Variants in CDK5RAP1 observed in about 807,000 individuals in gnomAD.
The protein encoded by CDK5RAP1 is mitochondrial tRNA methylthiotransferase CDK5RAP1.
Under a neutral mutation model 64.5 loss-of-function variants are expected in CDK5RAP1, and 62 were observed. The observed-to-expected ratio is 0.96, with a 90% confidence interval of 0.78 to 1.19. The LOEUF (loss-of-function observed/expected upper bound fraction) is 1.19, where lower values mean the gene tolerates loss of function less well. CDK5RAP1 is among the 50% of genes most tolerant of loss of function. The probability of loss-of-function intolerance (pLI) is 0.00; values close to 1 mark genes in which losing one functional copy is unlikely to be tolerated. For synonymous variants in CDK5RAP1, 250 were observed against 261.9 expected, an observed-to-expected ratio of 0.95 and a Z score of 0.44; for missense variants, 657 against 735.0, an observed-to-expected ratio of 0.89 and a Z score of 1.23.
intron 12 of CDK5RAP1, among the ~76,000 whole-genome samples, chr20:33,361,785 G>A (rs1982963650): frequency 1.3e-5 from 2 of 151,874 alleles, no homozygotes; most frequent in East Asian, 1.9e-4. Context: ...GCGAAACCCC[G>A]TCTCTACTGA....
chr20:33,368,420 A>C (rs1984377670), intron 11 of CDK5RAP1, among the ~76,000 whole-genome samples: 1 of 149,240 alleles, frequency 6.7e-6, no homozygotes, highest in Non-Finnish European at 1.5e-5. Context: ...AGCCTCCCAA[A>C]TAGCTGGGAT....
At chr20:33,379,751 C>T (rs1295188274) in intron 7 of CDK5RAP1, 60 bp from the exon 8 acceptor site, 1 of 1,267,690 alleles carries the variant, frequency 7.9e-7, no homozygotes, top group East Asian at 2.3e-5. Context: ...TAAAAAAACA[C>T]TAATTAAAAA....
rs774168948 is a variant in CDK5RAP1 at position 33,387,547 on chromosome 20, A to G, written c.545-14T>C. On this transcript the variant is annotated splice_polypyrimidine_tract_variant and intron_variant, in intron 5 of 13. Coordinates refer to ENST00000346416, the MANE Select transcript of CDK5RAP1 (RefSeq NM_016408.4). ...CAGCCATGCAGCCTGGAAGGGAAAA[A>G]GAAACAAGCACCTTTCCCCAAATCC... 2 of 1,605,222 alleles carry G rather than the reference A, an allele frequency of 1.2e-6. No individual in the cohort carries two copies. The highest frequency in any genetic ancestry group is 1.3e-5 in the African/African-American group (1 of 74,864).
chr20:33,378,489 T>C (rs1250331752), intron 8 of CDK5RAP1, among the ~76,000 whole-genome samples: 1 of 152,120 alleles, frequency 6.6e-6, no homozygotes, highest in Non-Finnish European at 1.5e-5. Context: ...CACAGAGACA[T>C]GAAGTAAGCA....
Position 33,360,999 on chromosome 20 carries a change from C to T in CDK5RAP1, c.1543-508G>A, listed in dbSNP as rs543904685. 1.2e-4 allele frequency among the ~76,000 whole-genome samples: 18 copies of T among 152,332 alleles called. 1 individual carries two copies. In the East Asian group the frequency reaches 2.1e-3, roughly 18 times the overall value. On this transcript the variant is annotated intron_variant, in intron 12 of 13. Transcript: ENST00000346416. ...TGATGGGATTAACTTCTAGAGTCTA[C>T]GGAAACCCTTCTCTTCCAGCCATGG...
At chr20:33,378,421 C>T (rs1986301066) in intron 8 of CDK5RAP1, among the ~76,000 whole-genome samples, 1 of 152,082 alleles carries the variant, frequency 6.6e-6, no homozygotes, top group African/African-American at 2.4e-5. Context: ...TCACAGATCA[C>T]CATAACAGAT....
intron 1 of CDK5RAP1, among the ~76,000 whole-genome samples, chr20:33,397,837 CAA>C (rs1989041378): frequency 1.3e-5 from 2 of 152,012 alleles, no homozygotes; most frequent in African/African-American, 2.4e-5. Context: ...ACTAAAAATA[CAA>C]AAGTTAGCCA....
rs768311774 is a variant in CDK5RAP1, at chr20:33,360,435, C to G, written c.1599G>C (p.Val533=). ...LCGRNDGNLK[V]IFPDAEMEDV... ...CCTCCATCTCTGCATCAGGGAAGAT[C>G]ACCTTAAGGTTTCCATCATTCCTGC... Residue 533 remains valine (V), a synonymous_variant, in exon 13 of 14, where the codon GTG becomes GTC. Transcript: ENST00000346416. 1.9e-6 allele frequency: 3 copies of G among 1,613,692 alleles called. No individual in the cohort carries two copies. The highest frequency in any genetic ancestry group is 3.3e-4 in the Middle Eastern group (2 of 6,084).
At chr20:33,381,583 C>T (rs1986755099) in intron 7 of CDK5RAP1, among the ~76,000 whole-genome samples, 1 of 152,044 alleles carries the variant, frequency 6.6e-6, no homozygotes, top group African/African-American at 2.4e-5. Flanking sequence ...TGTGTCACCA[C>T]GCCAGGCTAA....
intron 1 of CDK5RAP1, among the ~76,000 whole-genome samples, chr20:33,398,998 C>A (rs1989154231): frequency 6.6e-6 from 1 of 152,056 alleles, no homozygotes; most frequent in Non-Finnish European, 1.5e-5. Context: ...ATGCTCCATG[C>A]TACCTACATT....
Position 33,397,019 on chromosome 20 carries a change from A to C in CDK5RAP1, c.46T>G (p.Trp16Gly). 6.2e-7 allele frequency: 1 copy of C among 1,613,964 alleles called. No homozygotes were observed. Among genetic ancestry groups the C allele is most frequent in the Non-Finnish European group, 8.5e-7 (1 of 1,179,926 alleles). Residue 16 changes from tryptophan (W) to glycine (G), a missense_variant, in exon 2 of 14, where the codon TGG (tryptophan) becomes GGG (glycine). Transcript: ENST00000346416. ...CAAGACACAGAGGCCAATGGTCCCC[A>C]CCCCAGAGACCTCTGCACTTGGAGG... ...CVLQVQRSLGWGPLASVSWLS... is the reference protein window; with the variant it reads ...CVLQVQRSLGGGPLASVSWLS...
chr20:33,375,707 C>G (rs1332571730), intron 8 of CDK5RAP1, among the ~76,000 whole-genome samples: 1 of 152,122 alleles, frequency 6.6e-6, no homozygotes, highest in African/African-American at 2.4e-5. Context: ...AGAGATATCA[C>G]AGGTTTGGTT....
intron 5 of CDK5RAP1, among the ~76,000 whole-genome samples, chr20:33,389,404 G>C (rs1987988568): frequency 2.0e-5 from 3 of 152,094 alleles, no homozygotes; most frequent in Admixed American, 2.0e-4. Context: ...CCCCGTCTGA[G>C]AAGTGAGGAG....
At chr20:33,377,651 T>C (rs987414639) in intron 8 of CDK5RAP1, among the ~76,000 whole-genome samples, 10 of 151,940 alleles carry the variant, frequency 6.6e-5, no homozygotes, top group Admixed American at 4.6e-4. Context: ...TTTTTTTGGG[T>C]TTTCTTGTTT....
chr20:33,387,363 T>A lies in CDK5RAP1; in HGVS notation c.715A>T (p.Met239Leu). Reference protein sequence around the residue: ...LSLDETYADVMPVQTSASATS... With the variant: ...LSLDETYADVLPVQTSASATS... Reference sequence around the variant, plus strand: ...GCACTGGCGCTTGTCTGGACTGGCATGACATCAGCATAGGTCTCGTCCAGA... The same window carrying A: ...GCACTGGCGCTTGTCTGGACTGGCAAGACATCAGCATAGGTCTCGTCCAGA... The change falls in exon 6 of 14, where the codon ATG (methionine) becomes TTG (leucine). Residue 239 changes from methionine (M) to leucine (L), a missense_variant. By Grantham distance (15) the Met-to-Leu change is conservative. Transcript: ENST00000346416. 1 of 1,614,040 alleles carries A rather than the reference T, an allele frequency of 6.2e-7. No individual in the cohort carries two copies. Among genetic ancestry groups the A allele is most frequent in the African/African-American group, 1.3e-5 (1 of 74,994 alleles).
chr20:33,363,886 G>A (rs183872878), intron 12 of CDK5RAP1, among the ~76,000 whole-genome samples: 9 of 152,048 alleles, frequency 5.9e-5, no homozygotes, highest in East Asian at 1.9e-4. Flanking sequence ...GAGACAGAAC[G>A]AGAGACTTTG....
chr20:33,389,183 G>A (rs1169378918), intron 5 of CDK5RAP1, among the ~76,000 whole-genome samples: 10 of 151,218 alleles, frequency 6.6e-5, no homozygotes, highest in South Asian at 2.1e-4. Flanking sequence ...AGTGAGCAGC[G>A]TCTCTGCCCG....
intron 9 of CDK5RAP1, chr20:33,372,913 CTT>C (rs11291803): frequency 0.046 from 9,218 of 200,836 alleles, 1 homozygote; most frequent in Middle Eastern, 0.086. Context: ...AGGACATAAA[CTT>C]TTTTTTTTTT....
At chr20:33,361,681 G>A (rs750989700) in intron 12 of CDK5RAP1, among the ~76,000 whole-genome samples, 4 of 66,350 alleles carry the variant, frequency 6.0e-5, no homozygotes, top group Admixed American at 1.9e-4. Flanking sequence ...CTGGCCAGGC[G>A]CAGTGGCTCA....
Sources: allele counts gnomAD v4.1 joint callset (sites outside exome capture counted in the v4.1 genomes callset), GRCh38; gene constraint gnomAD v4.1.1; transcripts MANE v1.5; gene names NCBI Gene and HGNC (gene_info 2026-07-23, HGNC 2026-07-21).